KLF12: variants seen among roughly 807,000 people sequenced by gnomAD.
KLF12 encodes the protein Krueppel-like factor 12.
KLF12 carries 9 observed loss-of-function variants against 37.8 expected under a neutral mutation model. The observed-to-expected ratio is 0.24, with a 90% CI of 0.14 to 0.42. The LOEUF is 0.42. Among genes scored for constraint, KLF12 ranks in the 10% least tolerant of loss-of-function variants. The pLI is 1.00. For synonymous variants in KLF12, 208 were observed against 202.1 expected, an observed-to-expected ratio of 1.03 and a Z score of -0.25; for missense variants, 411 against 516.0, an observed-to-expected ratio of 0.80 and a Z score of 1.97.
intron 1 of KLF12, among the ~76,000 whole-genome samples, chr13:74,131,156 A>C (rs1878242834): frequency 6.6e-6 from 1 of 152,154 alleles, no homozygotes; most frequent in African/African-American, 2.4e-5. Context: ...TTTAAGGCCA[A>C]ATTATTTCAG....
chr13:74,182,117 A>T, the KLF12 span, among the ~76,000 whole-genome samples: 1 of 152,336 alleles, frequency 6.6e-6, no homozygotes, highest in African/African-American at 2.4e-5. Flanking sequence ...TAAATTGATA[A>T]GTGTTAAAAT....
intron 1 of KLF12, among the ~76,000 whole-genome samples, chr13:74,065,102 T>C (rs1313528101): frequency 1.3e-5 from 2 of 152,142 alleles, no homozygotes; most frequent in Non-Finnish European, 2.9e-5. Context: ...CTGATTCATA[T>C]ACACATACAT....
intron 5 of KLF12, among the ~76,000 whole-genome samples, chr13:73,803,905 C>T (rs578234397): frequency 6.6e-6 from 1 of 152,132 alleles, no homozygotes. Context: ...AAATGGCACA[C>T]TTTGGGGTGT....
At chr13:74,099,286 C>CAGTGA (rs1269167217) in intron 1 of KLF12, among the ~76,000 whole-genome samples, 1 of 152,098 alleles carries the variant, frequency 6.6e-6, no homozygotes, top group African/African-American at 2.4e-5. Flanking sequence ...ATTGAGGCTG[C>CAGTGA]AGTGAGCTAA....
intron 5 of KLF12, among the ~76,000 whole-genome samples, chr13:73,781,664 T>C (rs1026802240): frequency 2.6e-5 from 4 of 152,206 alleles, no homozygotes; most frequent in African/African-American, 4.8e-5. Context: ...TTTAGCTTTA[T>C]TTTTGCTTTG....
At chr13:74,059,714 C>G (rs1237883754) in intron 1 of KLF12, among the ~76,000 whole-genome samples, 1 of 152,168 alleles carries the variant, frequency 6.6e-6, no homozygotes, top group Non-Finnish European at 1.5e-5. Context: ...AATGTTTTCT[C>G]CCATTCTGTA....
the KLF12 span, among the ~76,000 whole-genome samples, chr13:74,265,803 A>C: frequency 6.6e-6 from 1 of 152,216 alleles, no homozygotes; most frequent in South Asian, 2.1e-4. Context: ...AGTTATTATG[A>C]AAGGAAAGAA....
chr13:74,104,856 T>G (rs1876566100), intron 1 of KLF12, among the ~76,000 whole-genome samples: 1 of 152,144 alleles, frequency 6.6e-6, no homozygotes, highest in African/African-American at 2.4e-5. Flanking sequence ...ACTTGAAACT[T>G]AAACTAGTAA....
chr13:74,081,922 A>G (rs1038474632), intron 1 of KLF12, among the ~76,000 whole-genome samples: 2 of 152,220 alleles, frequency 1.3e-5, no homozygotes, highest in Admixed American at 6.5e-5. Flanking sequence ...AAATGTCTGT[A>G]CATGCCCATT....
chr13:74,280,809 C>G, the KLF12 span, among the ~76,000 whole-genome samples: 1 of 140,274 alleles, frequency 7.1e-6, no homozygotes, highest in Non-Finnish European at 1.5e-5. Flanking sequence ...CCATACTCAT[C>G]TTTTTTTTCT....
At chr13:73,991,630 C>A (rs1042133367) in intron 2 of KLF12, among the ~76,000 whole-genome samples, 2 of 152,178 alleles carry the variant, frequency 1.3e-5, no homozygotes, top group African/African-American at 4.8e-5. Flanking sequence ...GGAGAGGGCA[C>A]TGGGGTTCCA....
chr13:73,986,999 T>G (rs1261258321), intron 2 of KLF12, among the ~76,000 whole-genome samples: 2 of 152,178 alleles, frequency 1.3e-5, no homozygotes, highest in East Asian at 3.8e-4. Flanking sequence ...GAAAACAAAT[T>G]AAAAGCCTTT....
chr13:74,028,936 T>A (rs1431346485), intron 1 of KLF12, among the ~76,000 whole-genome samples: 1 of 152,150 alleles, frequency 6.6e-6, no homozygotes, highest in Non-Finnish European at 1.5e-5. Flanking sequence ...CAGTTATCAC[T>A]ATTAATAGTT....
intron 5 of KLF12, among the ~76,000 whole-genome samples, chr13:73,769,267 A>T (rs1880122919): frequency 6.6e-6 from 1 of 152,182 alleles, no homozygotes; most frequent in African/African-American, 2.4e-5. Context: ...TGTAGTTGGT[A>T]TCCACACCGC....
At chr13:73,929,016 C>T (rs1566465551) in intron 3 of KLF12, among the ~76,000 whole-genome samples, 1 of 152,220 alleles carries the variant, frequency 6.6e-6, no homozygotes, top group African/African-American at 2.4e-5. Context: ...TGCCTACCTT[C>T]ATCCCTCATA....
chr13:74,025,728 G>C (rs1034619975), intron 1 of KLF12, among the ~76,000 whole-genome samples: 1 of 152,144 alleles, frequency 6.6e-6, no homozygotes, highest in Non-Finnish European at 1.5e-5. Flanking sequence ...TTTATAAACA[G>C]TCACTGTCGT....
intron 1 of KLF12, among the ~76,000 whole-genome samples, chr13:74,001,984 T>G (rs904349145): frequency 6.6e-6 from 1 of 152,262 alleles, no homozygotes; most frequent in African/African-American, 2.4e-5. Context: ...GTAGATTTTA[T>G]AATATAATTT....
chr13:73,826,049 T>C (rs1228901351), intron 4 of KLF12, among the ~76,000 whole-genome samples: 1 of 152,078 alleles, frequency 6.6e-6, no homozygotes, highest in Non-Finnish European at 1.5e-5. Context: ...CTCGGCTCAC[T>C]GCAAGCTCCG....
intron 1 of KLF12, among the ~76,000 whole-genome samples, chr13:74,020,465 T>C (rs1044408542): frequency 1.1e-4 from 17 of 152,340 alleles, no homozygotes; most frequent in Non-Finnish European, 2.2e-4. Flanking sequence ...GAATGCACTC[T>C]AATTTTTAAG....
Sources: gnomAD v4.1 joint callset for allele counts (sites outside exome capture counted in the v4.1 genomes callset) on GRCh38, gnomAD v4.1.1 for gene constraint, MANE v1.5 for transcripts, NCBI Gene and HGNC (gene_info 2026-07-23, HGNC 2026-07-21) for gene names.